PGBD2: variants seen among roughly 807,000 people sequenced by gnomAD.
PGBD2 encodes the protein piggyBac transposable element derived 2, also known as piggyBac transposable element-derived protein 2.
Under a neutral mutation model 8.1 loss-of-function variants are expected in PGBD2, and 6 were observed. The observed-to-expected ratio is 0.74, with a 90% CI of 0.40 to 1.46. PGBD2 has a LOEUF of 1.46. Among genes scored for constraint, PGBD2 ranks in the 40% most tolerant of loss-of-function variants. The pLI is 0.02. For missense variants in PGBD2, 802 were observed against 739.0 expected, an observed-to-expected ratio of 1.09 and a Z score of -0.99; for synonymous variants, 318 against 272.2, an observed-to-expected ratio of 1.17 and a Z score of -1.66.
At chr1:248,882,119 G>A in the PGBD2 span, among the ~76,000 whole-genome samples, 1 of 152,152 alleles carries the variant, frequency 6.6e-6, no homozygotes, top group South Asian at 2.1e-4. Context: ...CAGATCGGCA[G>A]GTTGAGAAAT....
Position 248,916,873 on chromosome 1 carries a change from C to T in PGBD2, c.289C>T (p.Pro97Ser), listed in dbSNP as rs767157214. 12 of 1,614,072 alleles carry T rather than the reference C, an allele frequency of 7.4e-6. No individual in the cohort carries two copies. The highest frequency in any genetic ancestry group is 1.0e-5 in the Non-Finnish European group (12 of 1,180,028). Reference protein sequence around the residue: ...GEDNDDLELQPAKKRQKAVVK... With the variant: ...GEDNDDLELQSAKKRQKAVVK... ...GGATAATGACGACCTGGAGCTGCAG[C>T]CAGCCAAGAAGAGGCAGAAAGCAGT... Residue 97 changes from proline (P) to serine (S), a missense_variant, in exon 3 of 3, where the codon CCA becomes TCA. Physicochemically the swap from Pro to Ser is moderately conservative, Grantham distance 74. Coordinates refer to ENST00000329291, the MANE Select transcript of PGBD2 (RefSeq NM_170725.3).
chr1:248,903,734 T>C (rs1661573614), upstream of PGBD2, among the ~76,000 whole-genome samples: 1 of 152,224 alleles, frequency 6.6e-6, no homozygotes, highest in South Asian at 2.1e-4. Context: ...GTAATTTCCT[T>C]AACTAAAATA....
At chr1:248,928,670 T>G in the PGBD2 span, among the ~76,000 whole-genome samples, 1 of 152,166 alleles carries the variant, frequency 6.6e-6, no homozygotes, top group Non-Finnish European at 1.5e-5. Context: ...CATGAATAAT[T>G]TGTTTCCACA....
chr1:248,924,302 G>A (rs1277342706), downstream of PGBD2, among the ~76,000 whole-genome samples: 1 of 152,242 alleles, frequency 6.6e-6, no homozygotes, highest in Non-Finnish European at 1.5e-5. Flanking sequence ...CCAGCACGTG[G>A]CGTGCAAACC....
At chr1:248,911,929 G>T (rs1391083307) in intron 1 of PGBD2, among the ~76,000 whole-genome samples, 2 of 152,010 alleles carry the variant, frequency 1.3e-5, no homozygotes, top group African/African-American at 4.8e-5. Flanking sequence ...CGCAGAGAGG[G>T]GTTGTTGGTC....
chr1:248,912,586 A>C (rs998107521), intron 1 of PGBD2: 1 of 152,194 alleles, frequency 6.6e-6, no homozygotes, highest in African/African-American at 2.4e-5. Flanking sequence ...AAAATATTTC[A>C]AACATACAGA....
At chr1:248,926,288 G>A in the PGBD2 span, among the ~76,000 whole-genome samples, 2 of 151,970 alleles carry the variant, frequency 1.3e-5, no homozygotes, top group African/African-American at 4.8e-5. Flanking sequence ...ACATAATAAT[G>A]TAAATAATTT....
chr1:248,882,085 T>G, the PGBD2 span, among the ~76,000 whole-genome samples: 5 of 152,182 alleles, frequency 3.3e-5, no homozygotes, highest in African/African-American at 1.2e-4. Flanking sequence ...CGCAATGCAA[T>G]GGGGCTCTCT....
the PGBD2 span, among the ~76,000 whole-genome samples, chr1:248,884,827 T>C: frequency 6.6e-6 from 1 of 152,204 alleles, no homozygotes; most frequent in East Asian, 1.9e-4. Flanking sequence ...AATAATGCTA[T>C]GTAGCAAGAT....
At chr1:248,893,478 C>T in the PGBD2 span, among the ~76,000 whole-genome samples, 6,042 of 152,202 alleles carry the variant, frequency 0.04, 320 homozygotes, top group African/African-American at 0.12. Context: ...CAGTATCTGT[C>T]GTACTGTAAC....
intron 2 of PGBD2, chr1:248,914,695 C>A: frequency 1.0e-6 from 1 of 953,962 alleles, no homozygotes; most frequent in Non-Finnish European, 1.4e-6. Context: ...CATGCTGAGT[C>A]CATTCTCATA....
the PGBD2 span, among the ~76,000 whole-genome samples, chr1:248,928,650 G>A: frequency 6.6e-6 from 1 of 152,200 alleles, no homozygotes; most frequent in Non-Finnish European, 1.5e-5. Flanking sequence ...AACAGTAAGA[G>A]GACCTTGTGC....
downstream of PGBD2, among the ~76,000 whole-genome samples, chr1:248,924,395 C>T (rs142659587): frequency 6.8e-4 from 103 of 152,312 alleles, no homozygotes; most frequent in African/African-American, 2.4e-3. Flanking sequence ...TTATTACCCT[C>T]AGCCAATTAA....
chr1:248,907,826 G>A (rs1345387004), intron 1 of PGBD2, among the ~76,000 whole-genome samples: 1 of 152,170 alleles, frequency 6.6e-6, no homozygotes, highest in Non-Finnish European at 1.5e-5. Flanking sequence ...ATTGTTCAAG[G>A]TACAGGTCAA....
chr1:248,921,494 A>G (rs568305812), downstream of PGBD2, among the ~76,000 whole-genome samples: 161 of 152,234 alleles, frequency 1.1e-3, no homozygotes, highest in Middle Eastern at 0.01. Context: ...CATTGTCTAT[A>G]TATCTGTTTT....
At chr1:248,915,951 G>T (rs1285803368) in intron 2 of PGBD2, among the ~76,000 whole-genome samples, 1 of 152,188 alleles carries the variant, frequency 6.6e-6, no homozygotes, top group Admixed American at 6.5e-5. Context: ...CACTGCAGCT[G>T]CCCAGGGCTC....
At chr1:248,898,184 T>G in the PGBD2 span, among the ~76,000 whole-genome samples, 2 of 152,186 alleles carry the variant, frequency 1.3e-5, no homozygotes, top group East Asian at 3.9e-4. Flanking sequence ...GCAGTCCAGA[T>G]GACAGGGGTT....
At chr1:248,901,261 C>CA (rs934208872), upstream of PGBD2, among the ~76,000 whole-genome samples, 34 of 151,478 alleles carry the variant, frequency 2.2e-4, no homozygotes, top group African/African-American at 4.1e-4. Flanking sequence ...CATATGGAAC[C>CA]AAAAAAAAGT....
chr1:248,925,570 CTTT>C, the PGBD2 span, among the ~76,000 whole-genome samples: 1 of 133,042 alleles, frequency 7.5e-6, no homozygotes, highest in South Asian at 2.4e-4. Flanking sequence ...GCTACCATGA[CTTT>C]TTTTTTTTTT....
Sources: allele counts gnomAD v4.1 joint callset (sites outside exome capture counted in the v4.1 genomes callset), GRCh38; gene constraint gnomAD v4.1.1; transcripts MANE v1.5; gene names NCBI Gene and HGNC (gene_info 2026-07-23, HGNC 2026-07-21).